The following ADCY8 variants were observed in gnomAD, a reference collection of about 807,000 sequenced individuals.
The protein encoded by ADCY8 is adenylate cyclase 8.
ADCY8 carries 51 observed loss-of-function variants against 119.7 expected under a neutral mutation model. That is an observed-to-expected ratio of 0.43 (90% CI 0.34 to 0.54). The LOEUF is 0.54. Among genes scored for constraint, ADCY8 ranks in the 20% least tolerant of loss-of-function variants. ADCY8 has a pLI of 0.03. For synonymous variants in ADCY8, 665 were observed against 651.0 expected (o/e 1.02, Z -0.33); for missense variants, 1,383 against 1,598.8 (o/e 0.87, Z 2.30).
chr8:130,859,836 C>T (rs952342724), intron 9 of ADCY8, among the ~76,000 whole-genome samples: 10 of 152,156 alleles, frequency 6.6e-5, no homozygotes, highest in South Asian at 2.1e-4. Flanking sequence ...TCTCACCTAA[C>T]GATCTATTTA....
chr8:130,813,449 C>T (rs898592257), intron 14 of ADCY8, among the ~76,000 whole-genome samples: 5 of 152,174 alleles, frequency 3.3e-5, no homozygotes, highest in African/African-American at 1.2e-4. Context: ...TGAATTTGAC[C>T]ACTCTAGGTA....
At chr8:130,854,600 A>T (rs113292875) in intron 9 of ADCY8, among the ~76,000 whole-genome samples, 1 of 152,236 alleles carries the variant, frequency 6.6e-6, no homozygotes, top group African/African-American at 2.4e-5. Context: ...CCCTTTCAAC[A>T]GATGAAAATA....
chr8:130,929,932 A>G (rs1037247517), intron 5 of ADCY8, among the ~76,000 whole-genome samples: 2 of 152,118 alleles, frequency 1.3e-5, no homozygotes, highest in South Asian at 4.1e-4. Context: ...AGTGTATTTT[A>G]TCTTGCATAA....
chr8:131,018,902 T>C (rs540035171), intron 1 of ADCY8, among the ~76,000 whole-genome samples: 63 of 152,342 alleles, frequency 4.1e-4, no homozygotes, highest in African/African-American at 1.5e-3. Context: ...AGGAGGAGGT[T>C]AGGCCTCCAT....
Position 130,847,440 on chromosome 8 carries a change from A to C in ADCY8, c.2486T>G (p.Ile829Ser). The C allele has an allele frequency of 6.2e-7, 1 of 1,612,882 alleles. No homozygotes were observed. Among genetic ancestry groups the C allele is most frequent in the Non-Finnish European group, 8.5e-7 (1 of 1,179,330 alleles). ...TFNSSAVFTD[I>S]CSYPEYFVFT... is the part of the protein sequence containing the mutation. ...AATAAATACCTCTGGGTAGGAGCAG[A>C]TATCTGTAAACACAGCTGAGGAATT... is the stretch of plus-strand genomic sequence containing the variant. The change falls in exon 11 of 18, where the codon ATC becomes AGC. Residue 829 changes from isoleucine (I) to serine (S), a missense_variant. This residue lies in a region of ADCY8 where 928 missense variants were observed against 1,163.5 expected (regional missense o/e 0.80). Transcript: ENST00000286355.
In ADCY8 at chr8:130,794,295, A is replaced by T. The variant is rs142301108; in HGVS notation, c.3060+6131T>A. 4.7e-4 allele frequency among the ~76,000 whole-genome samples: 71 copies of T among 152,286 alleles called. 1 individual carries two copies. In the East Asian group the frequency reaches 0.012, roughly 25 times the overall value. On this transcript the variant is annotated intron_variant, in intron 15 of 17. Coordinates refer to ENST00000286355, the MANE Select transcript of ADCY8 (RefSeq NM_001115.3). ...AGTCTTGCACTGTTGCCTGGGCTGG[A>T]GTGCAGTGGTGCGATCTCGGCTCAC...
intron 9 of ADCY8, among the ~76,000 whole-genome samples, chr8:130,854,280 A>G (rs1817635065): frequency 6.6e-6 from 1 of 152,238 alleles, no homozygotes; most frequent in Non-Finnish European, 1.5e-5. Context: ...CATTTCTGAA[A>G]TCGAGTCTCA....
At chr8:130,976,459 C>A (rs544341871) in intron 2 of ADCY8, among the ~76,000 whole-genome samples, 1 of 152,146 alleles carries the variant, frequency 6.6e-6, no homozygotes, top group Non-Finnish European at 1.5e-5. Context: ...TATTAATATG[C>A]GACAGTTTCC....
chr8:130,907,822 G>C (rs1406384894), intron 6 of ADCY8, among the ~76,000 whole-genome samples: 4 of 152,118 alleles, frequency 2.6e-5, no homozygotes, highest in African/African-American at 9.7e-5. Context: ...CTGAGGTTCG[G>C]GGTAAGAAGG....
Position 130,956,862 on chromosome 8 carries a change from T to C in ADCY8, c.1111-4864A>G, listed in dbSNP as rs553311633. The stretch of plus-strand genomic sequence containing the variant: ...GCTGCCATTCATGTAAGATGGGATG[T>C]GCTCCTCCTTGCTTTCTGCCATGAT... On this transcript the variant is annotated intron_variant, in intron 2 of 17. Transcript: ENST00000286355. Among the ~76,000 whole-genome samples the C allele has an allele frequency of 5.4e-4, 82 of 152,334 alleles. 2 individuals carry two copies. In the Middle Eastern group the frequency reaches 0.017, roughly 32 times the overall value.
chr8:131,031,418 C>T (rs1359710705), intron 1 of ADCY8, among the ~76,000 whole-genome samples: 2 of 152,170 alleles, frequency 1.3e-5, no homozygotes, highest in East Asian at 3.9e-4. Flanking sequence ...AAGGCAGTCA[C>T]CATATTCTTT....
chr8:130,780,469 T>TTGTAATGA lies in ADCY8; in HGVS notation c.3669_3676dup (p.Asn1226IlefsTer47). 6.2e-7 allele frequency: 1 copy of TTGTAATGA among 1,613,852 alleles called. No individual in the cohort carries two copies. ...GCTGGGTGACAACAAAGTCCGCCGG[T>TTGTAATGA]TGTAATGACCCTTGATGATTCCTGT... is the stretch of plus-strand genomic sequence containing the variant. On this transcript the variant is annotated frameshift_variant, in exon 18 of 18. Coordinates refer to ENST00000286355, the MANE Select transcript of ADCY8 (RefSeq NM_001115.3). LOFTEE classifies it high-confidence loss of function.
At chr8:130,799,552 T>G (rs1262663198) in intron 15 of ADCY8, among the ~76,000 whole-genome samples, 1 of 152,196 alleles carries the variant, frequency 6.6e-6, no homozygotes, top group Non-Finnish European at 1.5e-5. Context: ...CCATGAGTGC[T>G]GGCTGCTGAC....
At chr8:130,944,871 C>T (rs1324441636) in intron 3 of ADCY8, among the ~76,000 whole-genome samples, 1 of 152,170 alleles carries the variant, frequency 6.6e-6, no homozygotes, top group Non-Finnish European at 1.5e-5. Context: ...TGCCTTTCCT[C>T]AAGATGCTGA....
intron 12 of ADCY8, among the ~76,000 whole-genome samples, chr8:130,829,991 G>C (rs1026255205): frequency 6.6e-6 from 1 of 152,132 alleles, no homozygotes; most frequent in Non-Finnish European, 1.5e-5. Context: ...CCTAGCTGCT[G>C]TTCTTCACAC....
intron 11 of ADCY8, among the ~76,000 whole-genome samples, chr8:130,846,530 C>CCCTTCCTTCCTTCCTTCCTT (rs764912713): frequency 1.5e-5 from 2 of 131,442 alleles, no homozygotes; most frequent in South Asian, 2.6e-4. Context: ...CTCCCTCCCT[C>CCCTTCCTTCCTTCCTTCCTT]CCTTCCTTCC....
chr8:130,976,028 C>A (rs1822061891), intron 2 of ADCY8, among the ~76,000 whole-genome samples: 2 of 152,030 alleles, frequency 1.3e-5, no homozygotes, highest in South Asian at 2.1e-4. Context: ...CTAAAAAAAA[C>A]CACCACCTAT....
intron 14 of ADCY8, among the ~76,000 whole-genome samples, chr8:130,813,667 G>T (rs1816241529): frequency 6.6e-6 from 1 of 151,918 alleles, no homozygotes; most frequent in South Asian, 2.1e-4. Flanking sequence ...TCAACTTTTT[G>T]ACTATTGTAA....
rs182895462 is a variant in ADCY8, at chr8:130,815,008, A to T, written c.2755-781T>A. 4.7e-4 allele frequency among the ~76,000 whole-genome samples: 72 copies of T among 152,308 alleles called. No individual in the cohort carries two copies. The East Asian group carries it at 0.011, about 23-fold the overall frequency. Reference sequence around the variant, plus strand: ...AATGTGATGGCATTTAGAGATGGAAACTTTGGGATGTAATTAGGGTTGATG... The same window carrying T: ...AATGTGATGGCATTTAGAGATGGAATCTTTGGGATGTAATTAGGGTTGATG... On this transcript the variant is annotated intron_variant, in intron 13 of 17. Coordinates refer to ENST00000286355, the MANE Select transcript of ADCY8 (RefSeq NM_001115.3).
Sources: gnomAD v4.1 joint callset for allele counts (sites outside exome capture counted in the v4.1 genomes callset) on GRCh38, gnomAD v4.1.1 for gene constraint, gnomAD v4.1.1 regional missense constraint, MANE v1.5 for transcripts, NCBI Gene and HGNC (gene_info 2026-07-23, HGNC 2026-07-21) for gene names.